The following FAM117B variants were observed in gnomAD, a reference collection of about 807,000 sequenced individuals.
FAM117B encodes the protein protein FAM117B.
In FAM117B, 22 loss-of-function variants were observed where a neutral mutation model predicts 52.8. The ratio of observed to expected loss-of-function variants is 0.42; its 90% CI spans 0.30 to 0.59. The LOEUF is 0.59. Among genes scored for constraint, FAM117B ranks in the 20% least tolerant of loss-of-function variants. FAM117B has a pLI of 0.22. For missense variants in FAM117B, 678 were observed against 802.6 expected, an observed-to-expected ratio of 0.84 and a Z score of 1.88; for synonymous variants, 309 against 324.1, an observed-to-expected ratio of 0.95 and a Z score of 0.50.
chr2:202,660,373 G>A (rs952435712), intron 1 of FAM117B, among the ~76,000 whole-genome samples: 1 of 151,956 alleles, frequency 6.6e-6, no homozygotes, highest in Non-Finnish European at 1.5e-5. Flanking sequence ...ACCTTCAGTG[G>A]GCTGTGGTTC....
intron 4 of FAM117B, among the ~76,000 whole-genome samples, chr2:202,743,123 C>CTG (rs1182561219): frequency 6.6e-6 from 1 of 152,254 alleles, no homozygotes; most frequent in Non-Finnish European, 1.5e-5. Context: ...TGGTGCTTGT[C>CTG]TGTGCCACCC....
intron 1 of FAM117B, among the ~76,000 whole-genome samples, chr2:202,645,248 A>G (rs776598435): frequency 2.7e-5 from 4 of 148,826 alleles, no homozygotes; most frequent in African/African-American, 9.9e-5. Context: ...AAGTGCTGGG[A>G]TTACTCACGC....
intron 2 of FAM117B, among the ~76,000 whole-genome samples, chr2:202,716,504 G>A (rs970317646): frequency 6.6e-6 from 1 of 151,632 alleles, no homozygotes; most frequent in African/African-American, 2.4e-5. Flanking sequence ...TTCTCTGGTG[G>A]TATGATTTAT....
intron 2 of FAM117B, among the ~76,000 whole-genome samples, chr2:202,706,333 T>C (rs887358722): frequency 6.6e-6 from 1 of 152,232 alleles, no homozygotes; most frequent in African/African-American, 2.4e-5. Context: ...TTTTGATTAA[T>C]ATTTTATGAA....
chr2:202,746,491 C>A, intron 4 of FAM117B, among the ~76,000 whole-genome samples: 1 of 113,426 alleles, frequency 8.8e-6, no homozygotes. Context: ...CCAATAAATG[C>A]CTCCATTAAA....
intron 2 of FAM117B, among the ~76,000 whole-genome samples, chr2:202,716,447 T>C (rs1691058366): frequency 6.6e-6 from 1 of 152,052 alleles, no homozygotes; most frequent in African/African-American, 2.4e-5. Flanking sequence ...TGTTTTGTGG[T>C]CTTCCTTCTT....
At position 202,758,091 on chromosome 2, in the gene FAM117B, C is replaced by T. The variant is rs185174644; in HGVS notation, c.1330+653C>T. Among the ~76,000 whole-genome samples the T allele has an allele frequency of 1.5e-3, 232 of 152,222 alleles. 1 individual carries two copies. Among genetic ancestry groups the T allele is most frequent in the Admixed American group, 2.4e-3 (37 of 15,284 alleles). ...CCTGGTTACGTTGTGTACTTGAAAGCAATAATAATGACATTTATTTATAAA... is the reference window on the plus strand; with the variant it reads ...CCTGGTTACGTTGTGTACTTGAAAGTAATAATAATGACATTTATTTATAAA... On this transcript the variant is annotated intron_variant, in intron 6 of 7. Coordinates refer to ENST00000392238, the MANE Select transcript of FAM117B (RefSeq NM_173511.4).
At chr2:202,687,489 G>A (rs192438740) in intron 1 of FAM117B, among the ~76,000 whole-genome samples, 17 of 152,254 alleles carry the variant, frequency 1.1e-4, no homozygotes, top group Admixed American at 2.0e-4. Context: ...AGCTCACTCC[G>A]ACCTTGACCT....
chr2:202,705,764 A>G (rs6739467), intron 2 of FAM117B, among the ~76,000 whole-genome samples: 127,246 of 152,192 alleles, frequency 0.84, 53,311 homozygotes, highest in African/African-American at 0.89. Flanking sequence ...TATGTGGCAA[A>G]TCTATTAATT....
chr2:202,740,601 T>C (rs1251163150), intron 4 of FAM117B, among the ~76,000 whole-genome samples: 1 of 152,172 alleles, frequency 6.6e-6, no homozygotes, highest in African/African-American at 2.4e-5. Context: ...GAAAATAGTG[T>C]GGAAGTTCAG....
chr2:202,646,845 T>C (rs1028880183), intron 1 of FAM117B, among the ~76,000 whole-genome samples: 1 of 149,632 alleles, frequency 6.7e-6, no homozygotes, highest in Non-Finnish European at 1.5e-5. Flanking sequence ...TTTACCTTGT[T>C]TAAGTGATAA....
chr2:202,758,075 G>C (rs1336009881), intron 6 of FAM117B, among the ~76,000 whole-genome samples: 5 of 152,148 alleles, frequency 3.3e-5, no homozygotes, highest in Non-Finnish European at 5.9e-5. Context: ...TCCTGGTTAC[G>C]TTGTGTACTT....
At chr2:202,705,279 C>T (rs1690855512) in intron 2 of FAM117B, among the ~76,000 whole-genome samples, 1 of 150,940 alleles carries the variant, frequency 6.6e-6, no homozygotes, top group African/African-American at 2.5e-5. Context: ...GCACTCCAGT[C>T]TGGGCAACAA....
At chr2:202,724,890 T>A (rs1034299752) in intron 2 of FAM117B, 27 bp from the exon 3 acceptor site, 1 of 1,542,266 alleles carries the variant, frequency 6.5e-7, no homozygotes, top group Non-Finnish European at 8.8e-7. Flanking sequence ...TTTTGTTAAA[T>A]ACACCTCCCC....
chr2:202,717,631 T>C (rs1360031194), intron 2 of FAM117B, among the ~76,000 whole-genome samples: 3 of 152,132 alleles, frequency 2.0e-5, no homozygotes, highest in African/African-American at 7.2e-5. Context: ...CAGAGACCCT[T>C]GTTCGGTTCT....
At chr2:202,738,989 G>A (rs1691482773) in intron 4 of FAM117B, among the ~76,000 whole-genome samples, 1 of 152,166 alleles carries the variant, frequency 6.6e-6, no homozygotes, top group Non-Finnish European at 1.5e-5. Flanking sequence ...AGGAGTTTGA[G>A]ACCAGCCTAG....
intron 4 of FAM117B, among the ~76,000 whole-genome samples, chr2:202,737,607 C>CT (rs112643875): frequency 8.9e-4 from 131 of 146,792 alleles, no homozygotes; most frequent in Middle Eastern, 3.6e-3. Flanking sequence ...AATAGTTTAA[C>CT]TTTTTTTTTT....
intron 1 of FAM117B, among the ~76,000 whole-genome samples, chr2:202,688,642 A>G (rs1690579108): frequency 6.6e-6 from 1 of 152,184 alleles, no homozygotes; most frequent in African/African-American, 2.4e-5. Flanking sequence ...ATAAATTACC[A>G]GTAAAAGTAT....
chr2:202,645,493 G>T (rs184001446), intron 1 of FAM117B, among the ~76,000 whole-genome samples: 1,800 of 146,286 alleles, frequency 0.012, 14 homozygotes, highest in Non-Finnish European at 0.022. Flanking sequence ...GTTTCACTGT[G>T]TTAGCCAGGA....
Sources: gnomAD v4.1 joint callset for allele counts (sites outside exome capture counted in the v4.1 genomes callset) on GRCh38, gnomAD v4.1.1 for gene constraint, MANE v1.5 for transcripts, NCBI Gene and HGNC (gene_info 2026-07-23, HGNC 2026-07-21) for gene names.